COL25A1: variants seen among roughly 807,000 people sequenced by gnomAD.
COL25A1 encodes collagen alpha-1(XXV) chain.
In COL25A1, 103 loss-of-function variants were observed where a neutral mutation model predicts 128.4. The observed-to-expected ratio is 0.80, with a 90% CI of 0.68 to 0.94. The LOEUF is 0.94. COL25A1 is among the 40% of genes least tolerant of loss of function. The probability of loss-of-function intolerance (pLI) is 0.00; values close to 1 mark genes in which losing one functional copy is unlikely to be tolerated. For synonymous variants in COL25A1, 279 were observed against 277.2 expected, an observed-to-expected ratio of 1.01 and a Z score of -0.06; for missense variants, 745 against 840.0, an observed-to-expected ratio of 0.89 and a Z score of 1.40.
chr4:108,911,269 T>C (rs1312438658), intron 13 of COL25A1, among the ~76,000 whole-genome samples: 1 of 152,172 alleles, frequency 6.6e-6, no homozygotes, highest in Non-Finnish European at 1.5e-5. Context: ...GTATAAATTG[T>C]AAGCATTGCA....
intron 3 of COL25A1, among the ~76,000 whole-genome samples, chr4:109,105,122 T>C (rs1766299068): frequency 6.6e-6 from 1 of 152,168 alleles, no homozygotes; most frequent in South Asian, 2.1e-4. Context: ...GGGGATAAAT[T>C]ATTTTGTGAA....
At chr4:109,107,391 T>C (rs761706038) in intron 3 of COL25A1, among the ~76,000 whole-genome samples, 2 of 152,206 alleles carry the variant, frequency 1.3e-5, no homozygotes, top group Admixed American at 6.5e-5. Flanking sequence ...TGACTAGATA[T>C]TTTGAAGTTT....
At chr4:109,281,409 C>CAAAAAAAA (rs59962160) in intron 3 of COL25A1, among the ~76,000 whole-genome samples, 1 of 102,258 alleles carries the variant, frequency 9.8e-6, no homozygotes, top group Non-Finnish European at 2.3e-5. Flanking sequence ...CTTAAAATGG[C>CAAAAAAAA]AAAAAAAAAA....
intron 5 of COL25A1, among the ~76,000 whole-genome samples, chr4:109,023,410 C>T (rs1296374487): frequency 3.9e-5 from 6 of 152,186 alleles, no homozygotes; most frequent in Non-Finnish European, 5.9e-5. Flanking sequence ...GTGAACACAT[C>T]CAAAGGCTTT....
chr4:109,159,214 G>A (rs536551882), intron 3 of COL25A1, among the ~76,000 whole-genome samples: 140 of 150,124 alleles, frequency 9.3e-4, no homozygotes, highest in Non-Finnish European at 1.1e-3. Context: ...AAAGAAAATG[G>A]CAAGAATACC....
chr4:109,217,032 T>A (rs887229461), intron 3 of COL25A1, among the ~76,000 whole-genome samples: 2 of 150,864 alleles, frequency 1.3e-5, no homozygotes, highest in African/African-American at 4.8e-5. Context: ...AAAAACCTAA[T>A]TATTTTTCTT....
At chr4:109,129,179 G>A (rs536903724) in intron 3 of COL25A1, among the ~76,000 whole-genome samples, 2 of 151,936 alleles carry the variant, frequency 1.3e-5, no homozygotes, top group East Asian at 3.9e-4. Context: ...GCCCAGGCTG[G>A]AGTGCAATGG....
intron 5 of COL25A1, among the ~76,000 whole-genome samples, chr4:109,037,093 T>G (rs1759428790): frequency 6.6e-6 from 1 of 152,270 alleles, no homozygotes; most frequent in East Asian, 1.9e-4. Flanking sequence ...ATGCTTCCAT[T>G]TCGTCTCCCA....
chr4:108,981,603 A>G (rs911313657), intron 6 of COL25A1, among the ~76,000 whole-genome samples: 7 of 152,348 alleles, frequency 4.6e-5, no homozygotes, highest in African/African-American at 1.7e-4. Flanking sequence ...ATGAAATAAC[A>G]TATCTTGGCG....
intron 6 of COL25A1, 121 bp downstream of exon 6, chr4:109,010,237 T>G: frequency 1.3e-6 from 1 of 772,204 alleles, no homozygotes; most frequent in Non-Finnish European, 2.1e-6. Flanking sequence ...TTTGGTCTAC[T>G]GTGTGGTGTT....
chr4:109,205,590 T>C (rs1186296792), intron 3 of COL25A1, among the ~76,000 whole-genome samples: 1 of 152,130 alleles, frequency 6.6e-6, no homozygotes, highest in Non-Finnish European at 1.5e-5. Context: ...ATTAGGATCC[T>C]GGGTTCCTGA....
chr4:108,862,671 A>G, intron 21 of COL25A1, 126 bp from the exon 22 acceptor site: 1 of 742,130 alleles, frequency 1.3e-6, no homozygotes, highest in Admixed American at 2.1e-5. Flanking sequence ...AACTGCCTCA[A>G]TATATGGCTC....
chr4:108,990,955 C>A (rs1754171174), intron 6 of COL25A1, among the ~76,000 whole-genome samples: 1 of 152,198 alleles, frequency 6.6e-6, no homozygotes, highest in African/African-American at 2.4e-5. Flanking sequence ...TACAACCAGA[C>A]TGCTAAAAGC....
chr4:109,139,653 T>C (rs773756720), intron 3 of COL25A1, among the ~76,000 whole-genome samples: 30 of 151,940 alleles, frequency 2.0e-4, no homozygotes, highest in Non-Finnish European at 4.4e-4. Context: ...GTTATTTCCT[T>C]CCCCCACCTT....
intron 8 of COL25A1, among the ~76,000 whole-genome samples, chr4:108,968,553 T>C (rs1168137259): frequency 6.6e-6 from 1 of 151,848 alleles, no homozygotes; most frequent in Non-Finnish European, 1.5e-5. Flanking sequence ...CTTCAAATGC[T>C]CTCCTTTTGC....
chr4:108,931,795 T>A (rs902684897), intron 11 of COL25A1, among the ~76,000 whole-genome samples: 2 of 152,114 alleles, frequency 1.3e-5, no homozygotes, highest in Non-Finnish European at 2.9e-5. Context: ...CTTTTTCTGG[T>A]CCCTTTGAAA....
intron 3 of COL25A1, among the ~76,000 whole-genome samples, chr4:109,297,198 A>T (rs1164494385): frequency 2.0e-5 from 3 of 152,248 alleles, no homozygotes; most frequent in Admixed American, 2.0e-4. Flanking sequence ...GAAAGAAATA[A>T]ATGCAAGTTT....
intron 13 of COL25A1, among the ~76,000 whole-genome samples, chr4:108,908,714 G>A (rs949235968): frequency 3.9e-5 from 6 of 152,140 alleles, no homozygotes; most frequent in Non-Finnish European, 5.9e-5. Flanking sequence ...ACACAGAGGC[G>A]GCTGTGCAGG....
chr4:109,048,662 A>G (rs1400444100), intron 4 of COL25A1, among the ~76,000 whole-genome samples: 1 of 152,298 alleles, frequency 6.6e-6, no homozygotes, highest in African/African-American at 2.4e-5. Flanking sequence ...ACGTTTATGT[A>G]AGTTTCTTTA....
Sources: gnomAD v4.1 joint callset for allele counts (sites outside exome capture counted in the v4.1 genomes callset) on GRCh38, gnomAD v4.1.1 for gene constraint, MANE v1.5 for transcripts, NCBI Gene and HGNC (gene_info 2026-07-23, HGNC 2026-07-21) for gene names.